MLLT10: variants seen among roughly 807,000 people sequenced by gnomAD.
MLLT10 encodes protein AF-10.
In MLLT10, 30 loss-of-function variants were observed where a neutral mutation model predicts 129.1. The ratio of observed to expected loss-of-function variants is 0.23; its 90% CI spans 0.17 to 0.32. MLLT10 has a LOEUF of 0.32. MLLT10 is among the 10% of genes least tolerant of loss of function. MLLT10 has a pLI of 1.00. For synonymous variants in MLLT10, 490 were observed against 446.4 expected (o/e 1.10, Z -1.23); for missense variants, 1,119 against 1,268.3 (o/e 0.88, Z 1.79).
chr10:21,560,620 T>C (rs1451367121), intron 3 of MLLT10, among the ~76,000 whole-genome samples: 2 of 151,958 alleles, frequency 1.3e-5, no homozygotes, highest in Non-Finnish European at 2.9e-5. Flanking sequence ...CCTAATTTTA[T>C]TGATTTTTGT....
chr10:21,614,669 C>T (rs544095133), intron 6 of MLLT10, among the ~76,000 whole-genome samples, 162 bp from the exon 7 acceptor site: 44 of 152,256 alleles, frequency 2.9e-4, no homozygotes, highest in Middle Eastern at 6.8e-3. Context: ...GGGTGAAATA[C>T]ACTTGGTCAC....
chr10:21,612,137 A>T (rs1389961005), intron 5 of MLLT10, among the ~76,000 whole-genome samples: 1 of 151,918 alleles, frequency 6.6e-6, no homozygotes, highest in African/African-American at 2.4e-5. Context: ...GCCTTTGTGA[A>T]TTTTTTTAAT....
intron 13 of MLLT10, among the ~76,000 whole-genome samples, chr10:21,697,024 T>C (rs1019546438): frequency 7.9e-5 from 12 of 151,574 alleles, no homozygotes; most frequent in African/African-American, 2.7e-4. Context: ...GAGCATCTTA[T>C]TTCTTTACTT....
At chr10:21,730,756 TA>T in intron 16 of MLLT10, 143 bp from the exon 17 acceptor site, 1 of 730,580 alleles carries the variant, frequency 1.4e-6, no homozygotes, top group Non-Finnish European at 2.2e-6. Flanking sequence ...TATGGTTTTC[TA>T]AATCCAGGAA....
chr10:21,621,562 A>G (rs1392527722), intron 8 of MLLT10, among the ~76,000 whole-genome samples: 1 of 151,968 alleles, frequency 6.6e-6, no homozygotes, highest in African/African-American at 2.4e-5. Flanking sequence ...TAATTTTTTA[A>G]AAGTAGGTGA....
chr10:21,694,645 C>G (rs186445770), intron 13 of MLLT10, among the ~76,000 whole-genome samples: 1 of 152,322 alleles, frequency 6.6e-6, no homozygotes, highest in East Asian at 1.9e-4. Flanking sequence ...GCTCTCTGTT[C>G]TGTTGACATA....
At chr10:21,712,358 C>A (rs553457006) in intron 13 of MLLT10, among the ~76,000 whole-genome samples, 4 of 152,232 alleles carry the variant, frequency 2.6e-5, no homozygotes, top group Admixed American at 2.0e-4. Context: ...GGACTACAGG[C>A]ATGTGCCACC....
intron 9 of MLLT10, among the ~76,000 whole-genome samples, chr10:21,665,406 A>G (rs2050688368): frequency 1.3e-5 from 2 of 150,210 alleles, no homozygotes; most frequent in Non-Finnish European, 2.9e-5. Context: ...CTCCTGCCTC[A>G]GCCTCCTGAA....
chr10:21,667,765 T>C (rs116402913), intron 9 of MLLT10, among the ~76,000 whole-genome samples: 4,255 of 152,288 alleles, frequency 0.028, 195 homozygotes, highest in African/African-American at 0.096. Flanking sequence ...CTTTTGTAAA[T>C]AATCATAGCT....
At chr10:21,548,042 G>A (rs1341302174) in intron 3 of MLLT10, among the ~76,000 whole-genome samples, 1 of 151,918 alleles carries the variant, frequency 6.6e-6, no homozygotes, top group Non-Finnish European at 1.5e-5. Flanking sequence ...GTCTTTTTGT[G>A]TCTACGAATT....
At chr10:21,717,513 T>A (rs868410235) in intron 14 of MLLT10, among the ~76,000 whole-genome samples, 461 of 45,956 alleles carry the variant, frequency 0.01, 1 homozygote, top group South Asian at 0.083. Flanking sequence ...CTCCTCCTCC[T>A]CCACCACCTC....
chr10:21,610,984 C>CTTTTTTTTTTTTTTTTTTTTTTTTT (rs71393913), intron 5 of MLLT10, among the ~76,000 whole-genome samples: 43 of 102,884 alleles, frequency 4.2e-4, no homozygotes, highest in Non-Finnish European at 6.4e-4. Flanking sequence ...TCTTTTTTCT[C>CTTTTTTTTTTTTTTTTTTTTTTTTT]TTTTTTTTTT....
chr10:21,705,151 G>C (rs1564683661), intron 13 of MLLT10, among the ~76,000 whole-genome samples: 2 of 152,174 alleles, frequency 1.3e-5, no homozygotes, highest in Non-Finnish European at 2.9e-5. Flanking sequence ...GCAGTGGTGG[G>C]TCAACCCTCT....
chr10:21,618,262 A>C (rs1272932893), intron 8 of MLLT10, among the ~76,000 whole-genome samples: 1 of 152,004 alleles, frequency 6.6e-6, no homozygotes, highest in Non-Finnish European at 1.5e-5. Context: ...TAAGCCCAGC[A>C]CTTTGGGAGG....
chr10:21,730,511 T>C (rs1302550237), intron 16 of MLLT10, among the ~76,000 whole-genome samples: 1 of 152,172 alleles, frequency 6.6e-6, no homozygotes, highest in African/African-American at 2.4e-5. Flanking sequence ...TGATGGCAAA[T>C]ATATCAAAGC....
chr10:21,585,211 A>G (rs1470049087), intron 3 of MLLT10, among the ~76,000 whole-genome samples: 4 of 152,054 alleles, frequency 2.6e-5, no homozygotes, highest in African/African-American at 4.8e-5. Flanking sequence ...GGTGTGATCC[A>G]CTGTGCCCGG....
At chr10:21,560,844 C>T (rs1228459467) in intron 3 of MLLT10, among the ~76,000 whole-genome samples, 1 of 151,918 alleles carries the variant, frequency 6.6e-6, no homozygotes, top group East Asian at 1.9e-4. Context: ...ATACAAGCAT[C>T]TTTTCATCTG....
At chr10:21,607,090 C>A (rs1196444503) in intron 5 of MLLT10, among the ~76,000 whole-genome samples, 3 of 152,052 alleles carry the variant, frequency 2.0e-5, no homozygotes, top group Non-Finnish European at 4.4e-5. Context: ...GACCTTGTCT[C>A]TACTTGAAAG....
intron 3 of MLLT10, among the ~76,000 whole-genome samples, chr10:21,540,437 T>C (rs1338787624): frequency 6.6e-6 from 1 of 151,348 alleles, no homozygotes; most frequent in Non-Finnish European, 1.5e-5. Context: ...GCACCTGTAC[T>C]CCCAGCTACT....
Sources: gnomAD v4.1 joint callset for allele counts (sites outside exome capture counted in the v4.1 genomes callset) on GRCh38, gnomAD v4.1.1 for gene constraint, MANE v1.5 for transcripts, NCBI Gene and HGNC (gene_info 2026-07-23, HGNC 2026-07-21) for gene names.